The following ZSWIM6 variants were observed in gnomAD, a reference collection of about 807,000 sequenced individuals.
The protein encoded by ZSWIM6 is zinc finger SWIM-type containing 6.
ZSWIM6 carries 9 observed loss-of-function variants against 113.2 expected under a neutral mutation model. That is an observed-to-expected ratio of 0.08 (90% CI 0.05 to 0.14). The LOEUF is 0.14. ZSWIM6 is among the 10% of genes least tolerant of loss of function. The pLI is 1.00. For missense variants in ZSWIM6, 1,162 were observed against 1,552.2 expected (o/e 0.75, Z 4.22); for synonymous variants, 611 against 606.5 (o/e 1.01, Z -0.11).
intron 1 of ZSWIM6, among the ~76,000 whole-genome samples, chr5:61,461,684 C>A (rs1316945715): frequency 1.3e-5 from 2 of 152,094 alleles, no homozygotes; most frequent in African/African-American, 4.8e-5. Context: ...TGCTGGAAAT[C>A]ATTTATTAAG....
chr5:61,417,729 G>A (rs1478060770), intron 1 of ZSWIM6, among the ~76,000 whole-genome samples: 2 of 152,126 alleles, frequency 1.3e-5, no homozygotes, highest in Admixed American at 6.6e-5. Flanking sequence ...TACTATAAGC[G>A]AATGCATGTC....
intron 8 of ZSWIM6, among the ~76,000 whole-genome samples, chr5:61,530,820 C>T (rs546140513): frequency 6.6e-6 from 1 of 152,300 alleles, no homozygotes; most frequent in East Asian, 1.9e-4. Flanking sequence ...CTTGCCCCTT[C>T]ATAATTTGCC....
chr5:61,414,539 G>C (rs1436071821), intron 1 of ZSWIM6, among the ~76,000 whole-genome samples: 4 of 152,154 alleles, frequency 2.6e-5, no homozygotes, highest in African/African-American at 9.7e-5. Context: ...GATATTTCCT[G>C]TGCCAACTAT....
At chr5:61,542,018 A>G (rs1195845043) in intron 13 of ZSWIM6, 53 bp downstream of exon 13, 9 of 1,461,950 alleles carry the variant, frequency 6.2e-6, no homozygotes, top group African/African-American at 1.4e-5. Context: ...GTAGGATTTA[A>G]CTTGTCAGTT....
Position 61,332,575 on chromosome 5 carries a change from C to A in ZSWIM6, c.303C>A (p.Ile101=). ...GCGTGGAGGAGCGCTTTGAGCGCAT[C>A]CCGGAGCCGGTGCAGCGCCGCATAG... ...FQRVEERFER[I]PEPVQRRIVY... The change falls in exon 1 of 14, where the codon ATC becomes ATA. Residue 101 remains isoleucine, a synonymous_variant. Transcript: ENST00000252744. 7.3e-7 allele frequency: 1 copy of A among 1,363,754 alleles called. No homozygotes were observed. The highest frequency in any genetic ancestry group is 3.9e-5 in the East Asian group (1 of 25,714). 84.5% of individuals were successfully genotyped at this position (1,363,754 alleles called of 1,614,324 possible). A position where few individuals can be genotyped will look rare whatever the true frequency, so the allele number is the denominator to read the frequency against.
intron 1 of ZSWIM6, among the ~76,000 whole-genome samples, chr5:61,430,326 A>G (rs1181084335): frequency 6.6e-6 from 1 of 152,272 alleles, no homozygotes; most frequent in Admixed American, 6.5e-5. Context: ...TGAATTGTTG[A>G]TAGTAATATT....
At chr5:61,490,671 T>G (rs548764786) in intron 2 of ZSWIM6, 115 bp from the exon 3 acceptor site, 2 of 1,014,828 alleles carry the variant, frequency 2.0e-6, no homozygotes, top group East Asian at 5.7e-5. Flanking sequence ...CAAATTTGTA[T>G]GTATAATTGA....
intron 1 of ZSWIM6, among the ~76,000 whole-genome samples, chr5:61,415,479 C>G (rs928097457): frequency 1.4e-4 from 22 of 151,998 alleles, no homozygotes; most frequent in Non-Finnish European, 3.1e-4. Context: ...GTAATCCCAG[C>G]TACTCGGGAG....
At chr5:61,398,396 C>T (rs868767088) in intron 1 of ZSWIM6, among the ~76,000 whole-genome samples, 1 of 152,148 alleles carries the variant, frequency 6.6e-6, no homozygotes, top group African/African-American at 2.4e-5. Context: ...TATCCCCCTA[C>T]CCCTAGTTCA....
chr5:61,436,071 C>T (rs10042052), intron 1 of ZSWIM6, among the ~76,000 whole-genome samples: 3,181 of 152,084 alleles, frequency 0.021, 55 homozygotes, highest in Middle Eastern at 0.051. Flanking sequence ...CGTGGTGGTG[C>T]ATGCCTGTAA....
chr5:61,515,482 C>G (rs375217975), intron 4 of ZSWIM6, among the ~76,000 whole-genome samples: 5 of 152,114 alleles, frequency 3.3e-5, no homozygotes, highest in East Asian at 3.9e-4. Flanking sequence ...GTCATGCATG[C>G]AAGAGCGTAG....
At chr5:61,504,392 A>C (rs776547052) in intron 4 of ZSWIM6, among the ~76,000 whole-genome samples, 7 of 152,212 alleles carry the variant, frequency 4.6e-5, no homozygotes, top group African/African-American at 7.2e-5. Flanking sequence ...TATCATACAC[A>C]ATACAATCAG....
chr5:61,543,325 C>T lies in ZSWIM6; in HGVS notation c.2786-130C>T, dbSNP rs1272108433. ...GGTTTCTCACAGGCACATTACTTTA[C>T]AGGATTTTCTAGCCTAGCTCATGTC... On this transcript the variant is annotated intron_variant, in intron 13 of 13. Transcript: ENST00000252744. The surrounding 1 kb of genome is among the most constrained non-coding windows in gnomAD (Gnocchi z 4.3). The T allele has an allele frequency of 8.9e-7, 1 of 1,117,580 alleles. No individual in the cohort carries two copies. The highest frequency in any genetic ancestry group is 1.6e-5 in the African/African-American group (1 of 63,462). The allele number at this position is 1,117,580 out of a possible 1,614,324, so 69.2% of individuals were successfully genotyped here.
intron 2 of ZSWIM6, among the ~76,000 whole-genome samples, chr5:61,481,513 A>G (rs1000863336): frequency 2.0e-5 from 3 of 151,986 alleles, no homozygotes; most frequent in Admixed American, 2.0e-4. Flanking sequence ...CACCATTTTT[A>G]TCCCCAGCAA....
intron 1 of ZSWIM6, among the ~76,000 whole-genome samples, chr5:61,405,904 T>C (rs1746034779): frequency 6.6e-6 from 1 of 152,254 alleles, no homozygotes; most frequent in Non-Finnish European, 1.5e-5. Flanking sequence ...AATATGTATA[T>C]GTATCACACA....
intron 1 of ZSWIM6, among the ~76,000 whole-genome samples, chr5:61,343,549 A>T (rs896246615): frequency 6.6e-6 from 1 of 152,136 alleles, no homozygotes; most frequent in African/African-American, 2.4e-5. Flanking sequence ...TAGCATTTTT[A>T]TGAGTGTAGT....
At chr5:61,437,852 T>C (rs1391064381) in intron 1 of ZSWIM6, among the ~76,000 whole-genome samples, 1 of 152,162 alleles carries the variant, frequency 6.6e-6, no homozygotes, top group African/African-American at 2.4e-5. Flanking sequence ...ATAGTAACTA[T>C]GGTTAGTAAC....
intron 1 of ZSWIM6, among the ~76,000 whole-genome samples, chr5:61,447,435 T>C (rs1746985263): frequency 6.6e-6 from 1 of 152,126 alleles, no homozygotes. Context: ...TTGGGCTTGT[T>C]CAACCTGCAA....
chr5:61,374,812 CCCAAAGTG>C (rs1437784769), intron 1 of ZSWIM6, among the ~76,000 whole-genome samples: 1 of 152,148 alleles, frequency 6.6e-6, no homozygotes, highest in African/African-American at 2.4e-5. Flanking sequence ...GCCTCGGCCT[CCCAAAGTG>C]TTGGGATTAC....
Sources: allele counts gnomAD v4.1 joint callset (sites outside exome capture counted in the v4.1 genomes callset), GRCh38; gene constraint gnomAD v4.1.1; non-coding constraint Gnocchi (gnomAD v3.1); transcripts MANE v1.5; gene names NCBI Gene and HGNC (gene_info 2026-07-23, HGNC 2026-07-21).